The following TBC1D8 variants were observed in gnomAD, a reference collection of about 807,000 sequenced individuals.
The protein encoded by TBC1D8 is BUB2-like protein 1.
In TBC1D8, 65 loss-of-function variants were observed where a neutral mutation model predicts 118.8. That is an observed-to-expected ratio of 0.55 (90% CI 0.45 to 0.67). The LOEUF is 0.67. TBC1D8 is among the 30% of genes least tolerant of loss of function. The pLI is 0.00. For synonymous variants in TBC1D8, 566 were observed against 595.8 expected (o/e 0.95, Z 0.73); for missense variants, 1,376 against 1,471.2 (o/e 0.94, Z 1.06).
At chr2:101,052,991 G>A (rs571049574) in intron 4 of TBC1D8, among the ~76,000 whole-genome samples, 22 of 152,282 alleles carry the variant, frequency 1.4e-4, no homozygotes, top group Non-Finnish European at 2.6e-4. Flanking sequence ...TCTCCTTTGC[G>A]AAGTGCCTGC....
At position 101,054,285 on chromosome 2, in the gene TBC1D8, G is replaced by C; in HGVS notation, c.454C>G (p.Pro152Ala). 2 of 1,591,062 alleles carry C rather than the reference G, an allele frequency of 1.3e-6. No individual in the cohort carries two copies. The highest frequency in any genetic ancestry group is 1.8e-5 in the Admixed American group (1 of 56,436). ...SSRLAEQEEE[P>A]EKFREALVKF... ...ACCAGGGCTTCTCGGAATTTCTCGG[G>C]TTCCTCCTCCTGCTCGGCGAGCCTG... Residue 152 changes from proline (P) to alanine (A), a missense_variant, in exon 4 of 20, where the codon CCC (proline) becomes GCC (alanine). Physicochemically the swap from Pro to Ala is conservative, Grantham distance 27. Transcript: ENST00000409318.
chr2:101,030,392 C>T (rs142818176), intron 11 of TBC1D8, among the ~76,000 whole-genome samples: 1 of 152,300 alleles, frequency 6.6e-6, no homozygotes, highest in East Asian at 1.9e-4. Context: ...AGCCAATAAA[C>T]AAATGGTCAG....
intron 2 of TBC1D8, among the ~76,000 whole-genome samples, chr2:101,059,896 A>G (rs1667216315): frequency 6.6e-6 from 1 of 152,098 alleles, no homozygotes; most frequent in African/African-American, 2.4e-5. Context: ...CCGAGATGGC[A>G]TCACTGCATT....
In TBC1D8 at chr2:101,028,032, G is replaced by C. The variant is rs763647480; in HGVS notation, c.2451+16C>G. On this transcript the variant is annotated intron_variant, in intron 14 of 19. Transcript: ENST00000409318. ...CCCAATACCGTGATCACCGGGGTGA[G>C]GCGTCTGCTACCCACCACGTTCTGC... The C allele has an allele frequency of 1.9e-6, 3 of 1,613,254 alleles. No homozygotes were observed. Among genetic ancestry groups the C allele is most frequent in the Non-Finnish European group, 2.5e-6 (3 of 1,179,368 alleles).
At chr2:101,041,574 GTTTC>G (rs1681387032) in intron 5 of TBC1D8, among the ~76,000 whole-genome samples, 1 of 152,106 alleles carries the variant, frequency 6.6e-6, no homozygotes, top group African/African-American at 2.4e-5. Context: ...TGGGTACATG[GTTTC>G]TTTTTCTTTT....
At chr2:101,125,332 G>A (rs2104243609) in intron 1 of TBC1D8, among the ~76,000 whole-genome samples, 1 of 152,294 alleles carries the variant, frequency 6.6e-6, no homozygotes, top group South Asian at 2.1e-4. Context: ...CAGGTCTGGT[G>A]CAGGCAGATA....
At chr2:101,128,020 A>C (rs11678253) in intron 1 of TBC1D8, among the ~76,000 whole-genome samples, 19,774 of 152,170 alleles carry the variant, frequency 0.13, 1,445 homozygotes, top group East Asian at 0.28. Flanking sequence ...TATTAGTTAC[A>C]TTATTAACTC....
chr2:101,021,641 A>G (rs1680034177), intron 17 of TBC1D8, 40 bp downstream of exon 17: 3 of 1,349,718 alleles, frequency 2.2e-6, no homozygotes, highest in South Asian at 2.4e-5. Flanking sequence ...ACTGTGTTGA[A>G]GCAGAGCACA....
chr2:101,061,064 C>G (rs1339959014), intron 2 of TBC1D8, among the ~76,000 whole-genome samples: 1 of 151,530 alleles, frequency 6.6e-6, no homozygotes, highest in Non-Finnish European at 1.5e-5. Flanking sequence ...GGTGGGCCCC[C>G]CTAATCCCAG....
chr2:101,054,855 T>G (rs11683376), intron 3 of TBC1D8, among the ~76,000 whole-genome samples: 93,630 of 149,980 alleles, frequency 0.62, 29,831 homozygotes, highest in Middle Eastern at 0.76. Context: ...GCTAATTTTG[T>G]ATTTTTAGTA....
chr2:101,023,294 G>C (rs1300771012), intron 15 of TBC1D8, among the ~76,000 whole-genome samples: 1 of 151,822 alleles, frequency 6.6e-6, no homozygotes, highest in South Asian at 2.1e-4. Flanking sequence ...ACAGGTGCCC[G>C]CCACCACACC....
At chr2:101,057,729 C>A (rs1235936824) in intron 3 of TBC1D8, among the ~76,000 whole-genome samples, 1 of 152,150 alleles carries the variant, frequency 6.6e-6, no homozygotes, top group Non-Finnish European at 1.5e-5. Flanking sequence ...GAGGCTGAGG[C>A]AGGAGGATCA....
At chr2:101,056,282 C>T (rs970787605) in intron 3 of TBC1D8, among the ~76,000 whole-genome samples, 29 of 151,384 alleles carry the variant, frequency 1.9e-4, no homozygotes, top group Admixed American at 1.6e-3. Flanking sequence ...CGGCTCACTG[C>T]AAGCTCTGCC....
rs1460224050 is a variant in TBC1D8, at chr2:101,007,866, T to G, written c.3423A>C (p.Glu1141Asp). 40 of 1,611,748 alleles carry G rather than the reference T, an allele frequency of 2.5e-5. No individual in the cohort carries two copies. The highest frequency in any genetic ancestry group is 3.2e-5 in the Non-Finnish European group (38 of 1,179,888). The change falls in exon 20 of 20, where the codon GAA (glutamate) becomes GAC (aspartate). Residue 1141 changes from glutamate to aspartate, a missense_variant. Transcript: ENST00000409318. ...KINQYNLKTF[E>D]MSHQSQSELK... ...GTTCAGATTGTGATTGGTGGCTCAT[T>G]TCAAAAGTTTTGAGATTGTACTGAT...
intron 1 of TBC1D8, among the ~76,000 whole-genome samples, chr2:101,098,834 A>G (rs1676642625): frequency 6.6e-6 from 1 of 152,204 alleles, no homozygotes; most frequent in Non-Finnish European, 1.5e-5. Context: ...AAGACAACGT[A>G]CCAGAATCTC....
At chr2:101,125,196 AG>A (rs56346884) in intron 1 of TBC1D8, among the ~76,000 whole-genome samples, 28,820 of 152,110 alleles carry the variant, frequency 0.19, 3,212 homozygotes, top group African/African-American at 0.3. Flanking sequence ...TACAGAGCCC[AG>A]GGGGCACCCG....
rs760673709 is a variant in TBC1D8, at chr2:101,028,348, G to A, written c.2307C>T (p.Pro769=). Residue 769 remains proline, a synonymous_variant, in exon 13 of 20, where the codon CCC becomes CCT. Coordinates refer to ENST00000409318, the MANE Select transcript of TBC1D8 (RefSeq NM_001330348.2). ...GGTCCGAAATATCAGTCACAGGGTA[G>A]GGCTCCTGGTCGTCGGAGAAAAAGG... ...HHAFFSDDQE[P]YPVTDISDLI... The A allele has an allele frequency of 2.5e-6, 4 of 1,612,914 alleles. No homozygotes were observed. Among genetic ancestry groups the A allele is most frequent in the Non-Finnish European group, 2.5e-6 (3 of 1,179,460 alleles).
At chr2:101,025,131 A>T (rs1002828526) in intron 15 of TBC1D8, among the ~76,000 whole-genome samples, 7 of 152,196 alleles carry the variant, frequency 4.6e-5, no homozygotes, top group African/African-American at 1.7e-4. Flanking sequence ...AGATAGATAC[A>T]AGAGGGAAAA....
At position 101,027,394 on chromosome 2, in the gene TBC1D8, C is replaced by T. The variant is rs139953660; in HGVS notation, c.2509G>A (p.Asp837Asn). Residue 837 changes from aspartate to asparagine, a missense_variant, in exon 15 of 20, where the codon GAC becomes AAC. Transcript: ENST00000409318. ...CCAGAGCTGCGTACCTTGAATAAGT[C>T]GTAGAGCTCCTCTAGGTCTTCAGGA... ...ILPEDLEELYDLFKREHMMSC... is the reference protein window; with the variant it reads ...ILPEDLEELYNLFKREHMMSC... The T allele has an allele frequency of 1.1e-4, 179 of 1,613,030 alleles. 1 individual carries two copies. The highest frequency in any genetic ancestry group is 7.4e-4 in the East Asian group (33 of 44,844).
Sources: gnomAD v4.1 joint callset for allele counts (sites outside exome capture counted in the v4.1 genomes callset) on GRCh38, gnomAD v4.1.1 for gene constraint, MANE v1.5 for transcripts, NCBI Gene and HGNC (gene_info 2026-07-23, HGNC 2026-07-21) for gene names.